The following CADM2 variants were observed in gnomAD, a reference collection of about 807,000 sequenced individuals.
CADM2 encodes the protein immunoglobulin superfamily member 4D.
CADM2 carries 12 observed loss-of-function variants against 49.8 expected under a neutral mutation model. The ratio of observed to expected loss-of-function variants is 0.24; its 90% CI spans 0.15 to 0.39. CADM2 has a LOEUF of 0.39. Among genes scored for constraint, CADM2 ranks in the 10% least tolerant of loss-of-function variants. The pLI is 1.00. For synonymous variants in CADM2, 214 were observed against 175.4 expected, an observed-to-expected ratio of 1.22 and a Z score of -1.74; for missense variants, 378 against 492.3, an observed-to-expected ratio of 0.77 and a Z score of 2.20.
chr3:85,365,199 C>CTTTTTTTTTTTTTTTTTTTTTTTTTT (rs397962829), intron 1 of CADM2, among the ~76,000 whole-genome samples: 2 of 104,716 alleles, frequency 1.9e-5, no homozygotes, highest in Admixed American at 1.3e-4. Context: ...TTTTTTTTTA[C>CTTTTTTTTTTTTTTTTTTTTTTTTTT]TTTTTTTTTT....
intron 1 of CADM2, among the ~76,000 whole-genome samples, chr3:85,686,255 G>A (rs1420261803): frequency 6.6e-6 from 1 of 152,114 alleles, no homozygotes; most frequent in Non-Finnish European, 1.5e-5. Context: ...GGGGGTTTGA[G>A]TTTTATCTTA....
intron 1 of CADM2, among the ~76,000 whole-genome samples, chr3:85,333,018 T>G (rs2044976763): frequency 6.6e-6 from 1 of 151,892 alleles, no homozygotes; most frequent in Admixed American, 6.6e-5. Context: ...ATTTGTAAAC[T>G]TTAACTTTGA....
At chr3:85,705,026 A>ATTT (rs35077990) in intron 1 of CADM2, among the ~76,000 whole-genome samples, 1 of 131,884 alleles carries the variant, frequency 7.6e-6, no homozygotes, top group East Asian at 2.2e-4. Flanking sequence ...GCCTGGCTAA[A>ATTT]TTTTTTTTTT....
chr3:85,288,246 A>G (rs1346625021), intron 1 of CADM2, among the ~76,000 whole-genome samples: 1 of 152,122 alleles, frequency 6.6e-6, no homozygotes, highest in Non-Finnish European at 1.5e-5. Context: ...GAAATAGTTC[A>G]TGGAGATCAG....
chr3:86,017,180 A>G (rs973334476), intron 8 of CADM2, among the ~76,000 whole-genome samples: 8 of 148,704 alleles, frequency 5.4e-5, no homozygotes, highest in Non-Finnish European at 7.4e-5. Context: ...ATATATATAT[A>G]TATATATATA....
intron 7 of CADM2, among the ~76,000 whole-genome samples, chr3:85,937,811 A>G (rs1455098991): frequency 6.6e-6 from 1 of 152,020 alleles, no homozygotes; most frequent in African/African-American, 2.4e-5. Context: ...TCTTAACCAT[A>G]TAAAAATCTG....
chr3:85,442,928 T>A (rs2037280603), intron 1 of CADM2, among the ~76,000 whole-genome samples: 1 of 151,808 alleles, frequency 6.6e-6, no homozygotes, highest in South Asian at 2.1e-4. Flanking sequence ...GCATTTCTTC[T>A]TAATTTCCTG....
At chr3:85,298,440 T>A (rs2106974712) in intron 1 of CADM2, among the ~76,000 whole-genome samples, 1 of 152,230 alleles carries the variant, frequency 6.6e-6, no homozygotes, top group South Asian at 2.1e-4. Flanking sequence ...ATATGTGTTA[T>A]CCCTTCATTG....
At chr3:85,520,470 ATAATGTTT>A (rs2061005600) in intron 1 of CADM2, among the ~76,000 whole-genome samples, 1 of 152,008 alleles carries the variant, frequency 6.6e-6, no homozygotes, top group African/African-American at 2.4e-5. Context: ...AAGAAGGAAA[ATAATGTTT>A]TAAGCACTTA....
Position 85,769,555 on chromosome 3 carries a change from GT to G in CADM2, c.89-32491del, listed in dbSNP as rs2069935594. On this transcript the variant is annotated intron_variant, in intron 2 of 9. Coordinates refer to ENST00000383699, the MANE Select transcript of CADM2 (RefSeq NM_001167675.2). ...TATATATACACGTATATACATATATGTATATATACACGTATATACATATATA... is the reference window on the plus strand; with the variant it reads ...TATATATACACGTATATACATATATGATATATACACGTATATACATATATA... Among the ~76,000 whole-genome samples, 5 of 44,256 alleles carry G rather than the reference GT, an allele frequency of 1.1e-4. 1 individual carries two copies. Among genetic ancestry groups the G allele is most frequent in the African/African-American group, 2.1e-4 (2 of 9,436 alleles). 29.0% of individuals were successfully genotyped at this position (44,256 alleles called of 152,430 possible). A position where few individuals can be genotyped will look rare whatever the true frequency, so the allele number is the denominator to read the frequency against.
chr3:85,565,580 T>G (rs992745006), intron 1 of CADM2, among the ~76,000 whole-genome samples: 1 of 152,084 alleles, frequency 6.6e-6, no homozygotes, highest in African/African-American at 2.4e-5. Flanking sequence ...TACCTTTATT[T>G]TAACAATGCT....
At chr3:85,570,124 T>C (rs1410987957) in intron 1 of CADM2, among the ~76,000 whole-genome samples, 1 of 152,214 alleles carries the variant, frequency 6.6e-6, no homozygotes, top group Non-Finnish European at 1.5e-5. Context: ...AAATTAATTA[T>C]CCTTATCCTA....
chr3:85,473,851 T>A (rs1397075532), intron 1 of CADM2, among the ~76,000 whole-genome samples: 2 of 152,082 alleles, frequency 1.3e-5, no homozygotes, highest in Non-Finnish European at 2.9e-5. Flanking sequence ...ACAACTTTTT[T>A]GTGACTGTAG....
At chr3:85,163,925 A>G (rs78735252) in intron 1 of CADM2, among the ~76,000 whole-genome samples, 15,091 of 151,946 alleles carry the variant, frequency 0.099, 940 homozygotes, top group African/African-American at 0.17. Context: ...TCCTCATTTC[A>G]TACACCCTGT....
intron 1 of CADM2, among the ~76,000 whole-genome samples, chr3:85,693,357 G>T (rs2066445000): frequency 6.6e-6 from 1 of 151,514 alleles, no homozygotes; most frequent in Admixed American, 6.6e-5. Flanking sequence ...GAGGCAGGCA[G>T]ATCAGGAGGT....
At chr3:85,413,838 A>C (rs916147699) in intron 1 of CADM2, among the ~76,000 whole-genome samples, 1 of 152,116 alleles carries the variant, frequency 6.6e-6, no homozygotes, top group Non-Finnish European at 1.5e-5. Context: ...TCACAGCTTT[A>C]AGTGCTAGCT....
intron 1 of CADM2, among the ~76,000 whole-genome samples, chr3:85,066,871 C>A (rs987733168): frequency 6.6e-6 from 1 of 152,170 alleles, no homozygotes; most frequent in Non-Finnish European, 1.5e-5. Context: ...CCAGACGAAG[C>A]CATTCATTCT....
chr3:85,149,171 A>G (rs2039844568), intron 1 of CADM2, among the ~76,000 whole-genome samples: 1 of 152,022 alleles, frequency 6.6e-6, no homozygotes, highest in South Asian at 2.1e-4. Flanking sequence ...TAAGGTTGCC[A>G]TGGTTTGACT....
intron 2 of CADM2, among the ~76,000 whole-genome samples, chr3:85,764,169 G>A (rs1013273094): frequency 5.3e-5 from 8 of 151,540 alleles, no homozygotes; most frequent in East Asian, 1.9e-4. Flanking sequence ...TTTTTTCTAA[G>A]TACTATATTA....
Sources: gnomAD v4.1 joint callset for allele counts (sites outside exome capture counted in the v4.1 genomes callset) on GRCh38, gnomAD v4.1.1 for gene constraint, MANE v1.5 for transcripts, NCBI Gene and HGNC (gene_info 2026-07-23, HGNC 2026-07-21) for gene names.